Variants in NCAM1 observed in about 807,000 individuals in gnomAD.
The protein encoded by NCAM1 is neural cell adhesion molecule 1.
In NCAM1, 14 loss-of-function variants were observed where a neutral mutation model predicts 109.8. The ratio of observed to expected loss-of-function variants is 0.13; its 90% CI spans 0.08 to 0.20. The LOEUF is 0.20. NCAM1 is among the 10% of genes least tolerant of loss of function. The probability of loss-of-function intolerance (pLI) is 1.00; values close to 1 mark genes in which losing one functional copy is unlikely to be tolerated. For missense variants in NCAM1, 774 were observed against 1,109.9 expected, an observed-to-expected ratio of 0.70 and a Z score of 4.30; for synonymous variants, 418 against 442.9, an observed-to-expected ratio of 0.94 and a Z score of 0.70.
intron 1 of NCAM1, among the ~76,000 whole-genome samples, chr11:113,088,569 TA>T (rs1555088735): frequency 5.5e-4 from 83 of 152,242 alleles, no homozygotes; most frequent in African/African-American, 1.9e-3. Flanking sequence ...GGTAAAACAC[TA>T]GTACCTAGCT....
At chr11:112,981,025 C>A (rs1167486817) in intron 1 of NCAM1, among the ~76,000 whole-genome samples, 1 of 151,642 alleles carries the variant, frequency 6.6e-6, no homozygotes, top group African/African-American at 2.4e-5. Flanking sequence ...AAAATTTTCC[C>A]TTTTATTCTG....
At chr11:113,158,020 A>G (rs2136324395) in intron 1 of NCAM1, among the ~76,000 whole-genome samples, 1 of 152,260 alleles carries the variant, frequency 6.6e-6, no homozygotes, top group Non-Finnish European at 1.5e-5. Flanking sequence ...TGCAATGTGG[A>G]ATCTGAAATC....
At chr11:113,074,977 T>G (rs546711578) in intron 1 of NCAM1, among the ~76,000 whole-genome samples, 1 of 152,278 alleles carries the variant, frequency 6.6e-6, no homozygotes, top group African/African-American at 2.4e-5. Context: ...GAAAACAGCT[T>G]CATGTGGCTC....
chr11:112,983,619 A>T (rs2134710102), intron 1 of NCAM1, among the ~76,000 whole-genome samples: 1 of 152,070 alleles, frequency 6.6e-6, no homozygotes. Flanking sequence ...AGATTTCCAG[A>T]CTGAAAATGG....
intron 1 of NCAM1, among the ~76,000 whole-genome samples, chr11:113,007,475 C>T (rs1356467376): frequency 6.6e-6 from 1 of 152,190 alleles, no homozygotes; most frequent in Non-Finnish European, 1.5e-5. Context: ...CCCCTAAGAG[C>T]CCTTTCTGCT....
intron 1 of NCAM1, among the ~76,000 whole-genome samples, chr11:113,130,997 A>G (rs1941362300): frequency 6.6e-6 from 1 of 152,090 alleles, no homozygotes; most frequent in Non-Finnish European, 1.5e-5. Context: ...TTTCTTTTCT[A>G]TTCCTCCTCT....
intron 9 of NCAM1, among the ~76,000 whole-genome samples, chr11:113,226,786 C>T (rs1944864429): frequency 6.6e-6 from 1 of 152,198 alleles, no homozygotes; most frequent in Admixed American, 6.5e-5. Flanking sequence ...TCACTCAAAA[C>T]CGCTCAACTA....
At chr11:113,025,142 T>G (rs1555076956) in intron 1 of NCAM1, among the ~76,000 whole-genome samples, 2 of 152,224 alleles carry the variant, frequency 1.3e-5, no homozygotes, top group Admixed American at 6.5e-5. Context: ...TTAAATAATT[T>G]GCTTAACTAA....
chr11:113,210,823 T>C (rs2076971), intron 7 of NCAM1, among the ~76,000 whole-genome samples: 144 of 102,120 alleles, frequency 1.4e-3, no homozygotes, highest in Middle Eastern at 6.3e-3. Flanking sequence ...CACACACACA[T>C]ATTTCACAAT....
At chr11:113,234,975 G>C in intron 13 of NCAM1, 58 bp from the exon 14 acceptor site, 2 of 1,499,730 alleles carry the variant, frequency 1.3e-6, no homozygotes, top group Non-Finnish European at 1.8e-6. Context: ...CTGTTTTTCA[G>C]AGCGGCTGCA....
chr11:113,132,472 CT>C (rs34150885), intron 1 of NCAM1, among the ~76,000 whole-genome samples: 65,141 of 151,872 alleles, frequency 0.43, 14,981 homozygotes, highest in Middle Eastern at 0.6. Flanking sequence ...GCTTTACCTT[CT>C]CTCCTTTCGG....
In NCAM1 at chr11:113,274,572, A is replaced by G. The variant is rs1555126196; in HGVS notation, c.2457-695A>G. Among the ~76,000 whole-genome samples, 1 of 152,178 alleles carries G rather than the reference A, an allele frequency of 6.6e-6. No individual in the cohort carries two copies. The highest frequency in any genetic ancestry group is 1.5e-5 in the Non-Finnish European group (1 of 68,038). ...CCATGGGCTGCAAGGGGCTCTCGCC[A>G]GGAGCCCTGAATCTCAGCATCGGGA... is the stretch of plus-strand genomic sequence containing the variant. On this transcript the variant is annotated intron_variant, in intron 19 of 19. Transcript: ENST00000316851. This position sits in a 1 kb window ranked among gnomAD's most constrained non-coding sequence, Gnocchi z 4.1.
chr11:113,072,949 C>T (rs1007514911), intron 1 of NCAM1, among the ~76,000 whole-genome samples: 5 of 151,904 alleles, frequency 3.3e-5, no homozygotes, highest in African/African-American at 1.2e-4. Context: ...CCCATCACTA[C>T]CATCCATCTC....
chr11:113,178,519 C>T (rs1485851118), intron 1 of NCAM1, among the ~76,000 whole-genome samples: 2 of 152,194 alleles, frequency 1.3e-5, no homozygotes, highest in African/African-American at 4.8e-5. Flanking sequence ...GCCTCATATC[C>T]GTGGACTCTG....
chr11:113,047,534 G>A (rs1953312223), intron 1 of NCAM1, among the ~76,000 whole-genome samples: 1 of 152,158 alleles, frequency 6.6e-6, no homozygotes, highest in Non-Finnish European at 1.5e-5. Flanking sequence ...CTGCTCTGGG[G>A]TAACAGGGTT....
At chr11:112,989,209 C>T (rs547392634) in intron 1 of NCAM1, among the ~76,000 whole-genome samples, 6 of 152,276 alleles carry the variant, frequency 3.9e-5, no homozygotes, top group South Asian at 2.1e-4. Flanking sequence ...TCCCTTCTAG[C>T]TCTGTTTGCC....
At chr11:113,202,213 C>T in intron 1 of NCAM1, 166 bp from the exon 2 acceptor site, 2 of 709,346 alleles carry the variant, frequency 2.8e-6, no homozygotes, top group Non-Finnish European at 2.3e-6. Context: ...AGTTCTCAAA[C>T]TCCACACAAC....
intron 13 of NCAM1, 70 bp from the exon 14 acceptor site, chr11:113,234,963 T>A: frequency 6.7e-7 from 1 of 1,484,790 alleles, no homozygotes; most frequent in Non-Finnish European, 9.0e-7. Context: ...GGACCCTCCC[T>A]ACTGTTTTTC....
chr11:112,989,253 C>T (rs1384565575), intron 1 of NCAM1, among the ~76,000 whole-genome samples: 2 of 152,048 alleles, frequency 1.3e-5, no homozygotes, highest in Non-Finnish European at 2.9e-5. Flanking sequence ...TATTTGTATG[C>T]TTGGTGGTGT....
Sources: gnomAD v4.1 joint callset for allele counts (sites outside exome capture counted in the v4.1 genomes callset) on GRCh38, gnomAD v4.1.1 for gene constraint, Gnocchi (gnomAD v3.1) non-coding constraint, MANE v1.5 for transcripts, NCBI Gene and HGNC (gene_info 2026-07-23, HGNC 2026-07-21) for gene names.